Variants in GINS4 observed in about 807,000 individuals in gnomAD.
GINS4 encodes DNA replication complex GINS protein SLD5.
A neutral mutation model predicts 31.1 loss-of-function variants in GINS4; 20 were observed. The ratio of observed to expected loss-of-function variants is 0.64; its 90% CI spans 0.45 to 0.93. The LOEUF (loss-of-function observed/expected upper bound fraction) is 0.93. GINS4 is among the 40% of genes least tolerant of loss of function. GINS4 has a pLI of 0.00. For missense variants in GINS4, 245 were observed against 273.9 expected (o/e 0.89, Z 0.75); for synonymous variants, 85 against 97.9 (o/e 0.87, Z 0.78).
At chr8:41,536,138 T>C (rs1299576375) in intron 2 of GINS4, among the ~76,000 whole-genome samples, 1 of 152,124 alleles carries the variant, frequency 6.6e-6, no homozygotes, top group African/African-American at 2.4e-5. Flanking sequence ...TGAGTGTCAG[T>C]TGAATAGAAG....
intron 6 of GINS4, among the ~76,000 whole-genome samples, chr8:41,541,420 C>A (rs1332700284): frequency 6.6e-6 from 1 of 152,146 alleles, no homozygotes; most frequent in African/African-American, 2.4e-5. Flanking sequence ...AGGGCCCACA[C>A]TACTTGGCCT....
rs117977194 is a variant in GINS4, at chr8:41,531,373, C to A, written c.96+1075C>A. On this transcript the variant is annotated intron_variant, in intron 2 of 7. Coordinates refer to ENST00000276533, the MANE Select transcript of GINS4 (RefSeq NM_032336.3). ...TTGTGTAAAGCACTCAGCATGCTAT[C>A]TGACACATGATAAGCACTCACTAGA... is the stretch of plus-strand genomic sequence containing the variant. Among the ~76,000 whole-genome samples the A allele has an allele frequency of 6.9e-3, 1,049 of 152,322 alleles. 7 individuals carry two copies. The highest frequency in any genetic ancestry group is 0.011 in the Non-Finnish European group (760 of 68,016).
In GINS4 at chr8:41,542,096, ATAAACAGCCAGG is replaced by A; in HGVS notation, c.*10_*21del. ...CTGTCCAGCTAATTTAAAACTAGGC[ATAAACAGCCAGG>A]CATGGTGACTCAAGCCTGTAATCCC... On this transcript the variant is annotated 3_prime_UTR_variant, in exon 8 of 8. Coordinates refer to ENST00000276533, the MANE Select transcript of GINS4 (RefSeq NM_032336.3). 1 of 1,604,594 alleles carries A rather than the reference ATAAACAGCCAGG, an allele frequency of 6.2e-7. No individual in the cohort carries two copies. Among genetic ancestry groups the A allele is most frequent in the Non-Finnish European group, 8.5e-7 (1 of 1,171,502 alleles).
chr8:41,529,579 TG>T (rs1354611232), intron 1 of GINS4, 183 bp downstream of exon 1: 1 of 152,320 alleles, frequency 6.6e-6, no homozygotes, highest in Non-Finnish European at 1.5e-5. Flanking sequence ...CTTGTGGCTC[TG>T]GGAAATTAGC....
At chr8:41,529,970 G>A (rs1441314002) in intron 1 of GINS4, 4 of 495,252 alleles carry the variant, frequency 8.1e-6, no homozygotes, top group East Asian at 7.2e-5. Flanking sequence ...GAAGTAAGGG[G>A]GAGGCTTGTT....
chr8:41,539,587 G>A, intron 4 of GINS4, 91 bp from the exon 5 acceptor site: 1 of 877,964 alleles, frequency 1.1e-6, no homozygotes, highest in Non-Finnish European at 1.9e-6. Flanking sequence ...TCCTTCCTCG[G>A]GAGGGTTGTG....
intron 4 of GINS4, among the ~76,000 whole-genome samples, chr8:41,538,299 A>G (rs1228213624): frequency 6.6e-6 from 1 of 152,232 alleles, no homozygotes; most frequent in African/African-American, 2.4e-5. Flanking sequence ...AAGTTACACT[A>G]TCTTAAACTA....
chr8:41,539,556 A>G, intron 4 of GINS4, 122 bp from the exon 5 acceptor site: 1 of 730,330 alleles, frequency 1.4e-6, no homozygotes, highest in Non-Finnish European at 2.4e-6. Context: ...CACCCACCCT[A>G]TCCCACCTCC....
rs2150462735 is a variant in GINS4, at chr8:41,542,516, G to T, written c.*429G>T. ...ACTAAAAATACAAAAAATTAGCCAG[G>T]CATGGTGGCGGGCCCATCTACTCAG... On this transcript the variant is annotated 3_prime_UTR_variant, in exon 8 of 8. Coordinates refer to ENST00000276533, the MANE Select transcript of GINS4 (RefSeq NM_032336.3). 5.4e-6 allele frequency: 1 copy of T among 185,820 alleles called. No homozygotes were observed. Among genetic ancestry groups the T allele is most frequent in the Admixed American group, 5.4e-5 (1 of 18,680 alleles). The allele number at this position is 185,820 out of a possible 1,614,324, so 11.5% of individuals were successfully genotyped here. A position where few individuals can be genotyped will look rare whatever the true frequency, so the allele number is the denominator to read the frequency against.
rs772573543 is a variant in GINS4, at chr8:41,539,905, A to G, written c.396-11A>G. 1.9e-6 allele frequency: 3 copies of G among 1,613,062 alleles called. No individual in the cohort carries two copies. In the Admixed American group the frequency reaches 5.0e-5, roughly 27 times the overall value. ...GTGTACACCACAGCGATTTGAATCC[A>G]TGTCTTTCAGGTTCATGGCGAACAC... is the stretch of plus-strand genomic sequence containing the variant. On this transcript the variant is annotated splice_polypyrimidine_tract_variant and intron_variant, in intron 5 of 7. Coordinates refer to ENST00000276533, the MANE Select transcript of GINS4 (RefSeq NM_032336.3).
In GINS4 at chr8:41,544,456, C is replaced by G. The variant is rs888233937; in HGVS notation, c.*2369C>G. 6.6e-6 allele frequency: 1 copy of G among 152,214 alleles called. No homozygotes were observed. Among genetic ancestry groups the G allele is most frequent in the African/African-American group, 2.4e-5 (1 of 41,438 alleles). The allele number at this position is 152,214 out of a possible 1,614,324, so 9.4% of individuals were successfully genotyped here. On this transcript the variant is annotated 3_prime_UTR_variant, in exon 8 of 8. Transcript: ENST00000276533. ...AGAGACCTGAGCTGTTAACCTAGAA[C>G]AGTGTGCTTCCTAAGCCTTAATGTG...
chr8:41,531,341 G>A (rs373990047), intron 2 of GINS4, among the ~76,000 whole-genome samples: 3 of 152,160 alleles, frequency 2.0e-5, no homozygotes, highest in South Asian at 2.1e-4. Context: ...TTGATTAAAT[G>A]TGGTAATTGT....
chr8:41,544,967 AC>A lies in GINS4; in HGVS notation c.*2882del, dbSNP rs1261779849. 4 of 152,160 alleles carry A rather than the reference AC, an allele frequency of 2.6e-5. No individual in the cohort carries two copies. The allele number at this position is 152,160 out of a possible 1,614,324, so 9.4% of individuals were successfully genotyped here. On this transcript the variant is annotated 3_prime_UTR_variant, in exon 8 of 8. Transcript: ENST00000276533. ...AGTAAATTGCTCCATTTCCTAAATT[AC>A]CTCTTCAAGAGAAGACTGGTTTTGA...
At chr8:41,540,263 C>T (rs916704519) in intron 6 of GINS4, 71 of 518,442 alleles carry the variant, frequency 1.4e-4, no homozygotes, top group Non-Finnish European at 2.1e-4. Flanking sequence ...GGCATGGAGC[C>T]GCGTTCGCCT....
chr8:41,531,882 C>A (rs2150457158), intron 2 of GINS4, among the ~76,000 whole-genome samples: 1 of 152,336 alleles, frequency 6.6e-6, no homozygotes, highest in East Asian at 1.9e-4. Context: ...GCCTCCACCT[C>A]CCAGGTTCAA....
At chr8:41,538,673 T>C (rs938973641) in intron 4 of GINS4, among the ~76,000 whole-genome samples, 16 of 144,946 alleles carry the variant, frequency 1.1e-4, no homozygotes, top group African/African-American at 4.1e-4. Flanking sequence ...TAATACTTTA[T>C]GTCATCAACC....
At position 41,542,190 on chromosome 8, in the gene GINS4, G is replaced by T. The variant is rs769905897; in HGVS notation, c.*103G>T. The T allele has an allele frequency of 1.3e-6, 1 of 795,860 alleles. No individual in the cohort carries two copies. The highest frequency in any genetic ancestry group is 2.2e-6 in the Non-Finnish European group (1 of 450,816). The allele number at this position is 795,860 out of a possible 1,614,324, so 49.3% of individuals were successfully genotyped here. On this transcript the variant is annotated 3_prime_UTR_variant, in exon 8 of 8. Transcript: ENST00000276533. ...TGAGGTCAGGAGTTCGAGACCAACC[G>T]ACCAACATGGTGAAACCCCATCTTT...
rs61367318 is a variant in GINS4 at position 41,542,381 on chromosome 8, CA to C, written c.*305del. 8.9e-3 allele frequency: 1,613 copies of C among 180,266 alleles called. No individual in the cohort carries two copies. The highest frequency in any genetic ancestry group is 0.018 in the South Asian group (202 of 11,384). 11.2% of individuals were successfully genotyped at this position (180,266 alleles called of 1,614,324 possible). A position where few individuals can be genotyped will look rare whatever the true frequency, so the allele number is the denominator to read the frequency against. ...CCTGGGTGACAGTGAGACTTTGTCTCAAAAAAAAAAACAAAAAACAAAAAAA... is the reference window on the plus strand; with the variant it reads ...CCTGGGTGACAGTGAGACTTTGTCTCAAAAAAAAAACAAAAAACAAAAAAA... On this transcript the variant is annotated 3_prime_UTR_variant, in exon 8 of 8. Transcript: ENST00000276533.
rs558336333 is a variant in GINS4, at chr8:41,541,130, C to T, written c.485-679C>T. ...AGTTGCCCCAGCTGGAGTAGATTGA[C>T]GCTGTCATAGCTCACTGCAGCCTTG... On this transcript the variant is annotated intron_variant, in intron 6 of 7. Transcript: ENST00000276533. Among the ~76,000 whole-genome samples, 12 of 149,376 alleles carry T rather than the reference C, an allele frequency of 8.0e-5. 1 individual carries two copies. In the South Asian group the frequency reaches 1.7e-3, roughly 21 times the overall value.
Sources: gnomAD v4.1 joint callset for allele counts (sites outside exome capture counted in the v4.1 genomes callset) on GRCh38, gnomAD v4.1.1 for gene constraint, MANE v1.5 for transcripts, NCBI Gene and HGNC (gene_info 2026-07-23, HGNC 2026-07-21) for gene names.